Variants in NUBPL observed in about 807,000 individuals in gnomAD.
The protein encoded by NUBPL is iron-sulfur cluster transfer protein NUBPL.
A neutral mutation model predicts 45.7 loss-of-function variants in NUBPL; 31 were observed. The ratio of observed to expected loss-of-function variants is 0.68; its 90% confidence interval spans 0.51 to 0.92. The LOEUF is 0.92. NUBPL is among the 40% of genes least tolerant of loss of function. NUBPL has a pLI of 0.00. For missense variants in NUBPL, 401 were observed against 398.7 expected (o/e 1.01, Z -0.05); for synonymous variants, 144 against 140.9 (o/e 1.02, Z -0.15).
At chr14:31,648,013 C>G (rs1047387605) in intron 4 of NUBPL, among the ~76,000 whole-genome samples, 10 of 152,112 alleles carry the variant, frequency 6.6e-5, no homozygotes, top group African/African-American at 2.4e-4. Context: ...GTTTTATAGC[C>G]ATAAGTTATA....
chr14:31,693,273 G>T (rs541004955), intron 6 of NUBPL, among the ~76,000 whole-genome samples: 2 of 152,268 alleles, frequency 1.3e-5, no homozygotes, highest in South Asian at 4.1e-4. Flanking sequence ...TTTGAAAGTA[G>T]TAATAGATCT....
intron 4 of NUBPL, among the ~76,000 whole-genome samples, chr14:31,631,765 C>T (rs996872886): frequency 8.6e-5 from 13 of 152,018 alleles, no homozygotes; most frequent in East Asian, 1.9e-4. Flanking sequence ...ATTCCACCCC[C>T]GTTTTTTTTT....
intron 6 of NUBPL, among the ~76,000 whole-genome samples, chr14:31,715,545 A>G (rs987287691): frequency 6.6e-6 from 1 of 152,204 alleles, no homozygotes; most frequent in African/African-American, 2.4e-5. Context: ...ACTGAATACT[A>G]TAGGGAATTG....
chr14:31,769,554 A>G (rs930477530), intron 6 of NUBPL, among the ~76,000 whole-genome samples: 2 of 152,124 alleles, frequency 1.3e-5, no homozygotes, highest in Non-Finnish European at 2.9e-5. Context: ...AATTCAGCTA[A>G]GTTTTCCAAA....
intron 4 of NUBPL, 98 bp from the exon 5 acceptor site, chr14:31,673,257 T>C (rs2036616109): frequency 1.9e-5 from 19 of 1,018,410 alleles, no homozygotes; most frequent in Non-Finnish European, 2.3e-5. Flanking sequence ...TTTTTGTTAA[T>C]TAAAAAAATT....
intron 6 of NUBPL, among the ~76,000 whole-genome samples, chr14:31,776,507 A>G (rs2039100797): frequency 6.6e-6 from 1 of 152,148 alleles, no homozygotes; most frequent in Non-Finnish European, 1.5e-5. Flanking sequence ...AGCTGACTGG[A>G]TCCTGCCATG....
intron 6 of NUBPL, among the ~76,000 whole-genome samples, chr14:31,705,741 G>T (rs1483478320): frequency 6.6e-6 from 1 of 152,132 alleles, no homozygotes; most frequent in East Asian, 1.9e-4. Flanking sequence ...AAATTCTCCA[G>T]GTCCCCACCT....
chr14:31,845,334 G>A (rs2040435424), intron 8 of NUBPL: 1 of 152,088 alleles, frequency 6.6e-6, no homozygotes. Context: ...TGTTAGCACT[G>A]TCAGTTTTCT....
intron 6 of NUBPL, among the ~76,000 whole-genome samples, chr14:31,765,073 G>T (rs563068513): frequency 6.6e-6 from 1 of 152,124 alleles, no homozygotes; most frequent in African/African-American, 2.4e-5. Flanking sequence ...AGCTTTGTAA[G>T]TGGCAAGTCT....
At chr14:31,593,513 C>CAAAAAAA (rs34026301) in intron 3 of NUBPL, among the ~76,000 whole-genome samples, 2 of 75,184 alleles carry the variant, frequency 2.7e-5, no homozygotes, top group East Asian at 3.7e-4. Flanking sequence ...GCTTCCGTCT[C>CAAAAAAA]AAAAAAAAAA....
chr14:31,638,938 G>T (rs1385886459), intron 4 of NUBPL, among the ~76,000 whole-genome samples: 1 of 152,098 alleles, frequency 6.6e-6, no homozygotes, highest in Admixed American at 6.5e-5. Flanking sequence ...AGCTCCATCA[G>T]CTCCTTTAAG....
intron 8 of NUBPL, among the ~76,000 whole-genome samples, chr14:31,829,912 T>G (rs2040163030): frequency 2.0e-5 from 3 of 152,192 alleles, no homozygotes; most frequent in African/African-American, 7.2e-5. Context: ...AGACTATTTT[T>G]TTAAACAAAA....
intron 4 of NUBPL, among the ~76,000 whole-genome samples, chr14:31,635,266 G>A (rs375862329): frequency 3.3e-5 from 5 of 152,134 alleles, no homozygotes; most frequent in Non-Finnish European, 7.4e-5. Context: ...TAATTTTTGT[G>A]TAAGGTGTAA....
intron 4 of NUBPL, among the ~76,000 whole-genome samples, chr14:31,668,538 T>G (rs1273349902): frequency 2.6e-5 from 4 of 151,686 alleles, no homozygotes; most frequent in East Asian, 1.9e-4. Flanking sequence ...GCTCCCTGGG[T>G]TCAGCCCCTT....
chr14:31,707,722 G>T (rs2037486342), intron 6 of NUBPL, among the ~76,000 whole-genome samples: 1 of 152,240 alleles, frequency 6.6e-6, no homozygotes, highest in Admixed American at 6.5e-5. Flanking sequence ...TATAGGAAAA[G>T]CTGGGCCTTC....
chr14:31,597,141 C>G (rs2034305367), intron 3 of NUBPL, among the ~76,000 whole-genome samples: 1 of 152,012 alleles, frequency 6.6e-6, no homozygotes, highest in Non-Finnish European at 1.5e-5. Flanking sequence ...TATTTTCCTC[C>G]CTTTGTTTCC....
chr14:31,617,740 T>G (rs2034946843), intron 4 of NUBPL, among the ~76,000 whole-genome samples: 1 of 152,194 alleles, frequency 6.6e-6, no homozygotes, highest in African/African-American at 2.4e-5. Flanking sequence ...AAATTTTCTT[T>G]TTTTATTGTG....
intron 7 of NUBPL, among the ~76,000 whole-genome samples, chr14:31,820,570 TC>T (rs980696304): frequency 6.6e-6 from 1 of 152,194 alleles, no homozygotes; most frequent in Admixed American, 6.5e-5. Flanking sequence ...ACGCCTGTAA[TC>T]CCAGCACATT....
chr14:31,611,930 A>T (rs764950091), intron 4 of NUBPL, among the ~76,000 whole-genome samples: 6 of 152,248 alleles, frequency 3.9e-5, no homozygotes, highest in Non-Finnish European at 7.3e-5. Context: ...ATAAAAATGG[A>T]TGAAAAACTT....
Sources: gnomAD v4.1 joint callset for allele counts (sites outside exome capture counted in the v4.1 genomes callset) on GRCh38, gnomAD v4.1.1 for gene constraint, MANE v1.5 for transcripts, NCBI Gene and HGNC (gene_info 2026-07-23, HGNC 2026-07-21) for gene names.